MOS: variants seen among roughly 807,000 people sequenced by gnomAD.
MOS encodes the protein proto-oncogene serine/threonine-protein kinase mos.
For missense variants in MOS, 419 were observed against 459.6 expected, an observed-to-expected ratio of 0.91 and a Z score of 0.81; for synonymous variants, 190 against 205.2, an observed-to-expected ratio of 0.93 and a Z score of 0.63.
At position 56,113,815 on chromosome 8, in the gene MOS, G is replaced by C; in HGVS notation, c.168C>G (p.Asp56Glu). ...LPRRLAWCSI[D>E]WEQVCLLQRL... ...TCTGCAGCAAGCACACCTGCTCCCAGTCAATGGAGCACCAGGCCAGCCGGC... is the reference window on the plus strand; with the variant it reads ...TCTGCAGCAAGCACACCTGCTCCCACTCAATGGAGCACCAGGCCAGCCGGC... The change falls in exon 1 of 1, where the codon GAC (aspartate) becomes GAG (glutamate). Residue 56 changes from aspartate to glutamate, a missense_variant. Asp to Glu is a conservative substitution (Grantham distance 45). Transcript: ENST00000311923. This position sits in a 1 kb window ranked among gnomAD's most constrained non-coding sequence, Gnocchi z 5.7. 6.2e-7 allele frequency: 1 copy of C among 1,612,718 alleles called. No homozygotes were observed. Among genetic ancestry groups the C allele is most frequent in the Non-Finnish European group, 8.5e-7 (1 of 1,179,666 alleles).
At position 56,113,240 on chromosome 8, in the gene MOS, G is replaced by A. The variant is rs1465724519; in HGVS notation, c.743C>T (p.Pro248Leu). The change falls in exon 1 of 1, where the codon CCG becomes CTG. Residue 248 changes from proline to leucine, a missense_variant. Physicochemically the swap from Pro to Leu is moderately conservative, Grantham distance 98. Coordinates refer to ENST00000311923, the MANE Select transcript of MOS (RefSeq NM_005372.1). The surrounding 1 kb of genome is among the most constrained non-coding windows in gnomAD (Gnocchi z 5.7). ...PLGGTYTHRA[P>L]ELLKGEGVTP... ...CACGCCCTCTCCTTTCAGGAGCTCC[G>A]GGGCGCGGTGGGTGTATGTGCCTCC... 1.9e-6 allele frequency: 3 copies of A among 1,613,778 alleles called. No individual in the cohort carries two copies. Among genetic ancestry groups the A allele is most frequent in the Non-Finnish European group, 2.5e-6 (3 of 1,180,014 alleles).
Position 56,113,838 on chromosome 8 carries a change from G to T in MOS, c.145C>A (p.Arg49=). 1 of 1,609,872 alleles carries T rather than the reference G, an allele frequency of 6.2e-7. No individual in the cohort carries two copies. The highest frequency in any genetic ancestry group is 8.5e-7 in the Non-Finnish European group (1 of 1,179,092). ...CAGTCAATGGAGCACCAGGCCAGCC[G>T]GCGCGGCAGCCGCGGGGCCCGAGGA... ...TLPRAPRLPR[R]LAWCSIDWEQ... The change falls in exon 1 of 1, where the codon CGG becomes AGG. Residue 49 remains arginine, a synonymous_variant. Coordinates refer to ENST00000311923, the MANE Select transcript of MOS (RefSeq NM_005372.1). This position sits in a 1 kb window ranked among gnomAD's most constrained non-coding sequence, Gnocchi z 5.7.
Position 56,113,117 on chromosome 8 carries a change from G to A in MOS, c.866C>T (p.Ala289Val). ...YSGERQHILYAVVAYDLRPSL... is the reference protein window; with the variant it reads ...YSGERQHILYVVVAYDLRPSL... ...CGGGCGCAGGTCGTAGGCCACCACC[G>A]CGTACAGTATGTGCTGCCGCTCCCC... Residue 289 changes from alanine (A) to valine (V), a missense_variant, in exon 1 of 1, where the codon GCG becomes GTG. By Grantham distance (64) the Ala-to-Val change is moderately conservative. Coordinates refer to ENST00000311923, the MANE Select transcript of MOS (RefSeq NM_005372.1). The surrounding 1 kb of genome is among the most constrained non-coding windows in gnomAD (Gnocchi z 5.7). 6.2e-7 allele frequency: 1 copy of A among 1,613,804 alleles called. No homozygotes were observed. Among genetic ancestry groups the A allele is most frequent in the Non-Finnish European group, 8.5e-7 (1 of 1,179,960 alleles).
At position 56,113,092 on chromosome 8, in the gene MOS, C is replaced by CG. The variant is rs779354720; in HGVS notation, c.890dup (p.Ser298ValfsTer47). 5.0e-6 allele frequency: 8 copies of CG among 1,609,396 alleles called. No individual in the cohort carries two copies. In the Admixed American group the frequency reaches 1.4e-4, roughly 27 times the overall value. On this transcript the variant is annotated frameshift_variant, in exon 1 of 1. Transcript: ENST00000311923. LOFTEE classifies it low-confidence loss of function (END_TRUNC). This position sits in a 1 kb window ranked among gnomAD's most constrained non-coding sequence, Gnocchi z 5.7. ...CCTCGAAGACGGCAGCGGAGAGGGA[C>CG]GGGCGCAGGTCGTAGGCCACCACCG...
In MOS at chr8:56,113,038, G is replaced by A. The variant is rs1810518119; in HGVS notation, c.945C>T (p.Asp315=). The A allele has an allele frequency of 3.1e-6, 5 of 1,592,666 alleles. No homozygotes were observed. In the East Asian group the frequency reaches 1.1e-4, roughly 36 times the overall value. Reference sequence around the variant, plus strand: ...TGGGTCTCCAGCAGCGCTGGATGACGTCCCCAAGGCGCTGCCCGGGGAGCG... The same window carrying A: ...TGGGTCTCCAGCAGCGCTGGATGACATCCCCAAGGCGCTGCCCGGGGAGCG... ...EDSLPGQRLG[D]VIQRCWRPSA... The change falls in exon 1 of 1, where the codon GAC becomes GAT. Residue 315 remains aspartate, a synonymous_variant. Coordinates refer to ENST00000311923, the MANE Select transcript of MOS (RefSeq NM_005372.1). This position sits in a 1 kb window ranked among gnomAD's most constrained non-coding sequence, Gnocchi z 5.7.
Position 56,113,851 on chromosome 8 carries a change from C to A in MOS, c.132G>T (p.Pro44=), listed in dbSNP as rs1251205568. 6.2e-7 allele frequency: 1 copy of A among 1,609,072 alleles called. No homozygotes were observed. The change falls in exon 1 of 1, where the codon CCG becomes CCT. Residue 44 remains proline (P), a synonymous_variant. Transcript: ENST00000311923. This position sits in a 1 kb window ranked among gnomAD's most constrained non-coding sequence, Gnocchi z 5.7. ...LLLGATLPRA[P]RLPRRLAWCS... is the part of the protein sequence containing the mutation. ...ACCAGGCCAGCCGGCGCGGCAGCCG[C>A]GGGGCCCGAGGAAGAGTGGCCCCCA... is the stretch of plus-strand genomic sequence containing the variant.
chr8:56,113,207 T>C lies in MOS; in HGVS notation c.776A>G (p.Lys259Arg). ...GATGGCAAAGGAATAAATGTCGGCT[T>C]TAGGCGTCACGCCCTCTCCTTTCAG... ...ELLKGEGVTP[K>R]ADIYSFAITL... The change falls in exon 1 of 1, where the codon AAA (lysine) becomes AGA (arginine). Residue 259 changes from lysine (K) to arginine (R), a missense_variant. Lys to Arg is a conservative substitution (Grantham distance 26, BLOSUM62 2). Coordinates refer to ENST00000311923, the MANE Select transcript of MOS (RefSeq NM_005372.1). This position sits in a 1 kb window ranked among gnomAD's most constrained non-coding sequence, Gnocchi z 5.7. 1 of 1,613,952 alleles carries C rather than the reference T, an allele frequency of 6.2e-7. No individual in the cohort carries two copies.
At position 56,113,212 on chromosome 8, in the gene MOS, C is replaced by G. The variant is rs35074823; in HGVS notation, c.771G>C (p.Thr257=). The G allele has an allele frequency of 6.2e-7, 1 of 1,613,930 alleles. No individual in the cohort carries two copies. The highest frequency in any genetic ancestry group is 8.5e-7 in the Non-Finnish European group (1 of 1,180,028). The change falls in exon 1 of 1, where the codon ACG becomes ACC. Residue 257 remains threonine (T), a synonymous_variant. Coordinates refer to ENST00000311923, the MANE Select transcript of MOS (RefSeq NM_005372.1). This position sits in a 1 kb window ranked among gnomAD's most constrained non-coding sequence, Gnocchi z 5.7. ...APELLKGEGV[T]PKADIYSFAI... ...CAAAGGAATAAATGTCGGCTTTAGG[C>G]GTCACGCCCTCTCCTTTCAGGAGCT...
rs769499852 is a variant in MOS, at chr8:56,113,153, G to T, written c.830C>A (p.Ala277Glu). 7.4e-6 allele frequency: 12 copies of T among 1,613,956 alleles called. No individual in the cohort carries two copies. In the Admixed American group the frequency reaches 1.7e-4, roughly 22 times the overall value. ...ITLWQMTTKQAPYSGERQHIL... is the reference protein window; with the variant it reads ...ITLWQMTTKQEPYSGERQHIL... ...GTGCTGCCGCTCCCCCGAATACGGC[G>T]CCTGCTTGGTAGTCATTTGCCAGAG... Residue 277 changes from alanine (A) to glutamate (E), a missense_variant, in exon 1 of 1, where the codon GCG becomes GAG. By Grantham distance (107) the Ala-to-Glu change is moderately radical. Coordinates refer to ENST00000311923, the MANE Select transcript of MOS (RefSeq NM_005372.1). The surrounding 1 kb of genome is among the most constrained non-coding windows in gnomAD (Gnocchi z 5.7).
In MOS at chr8:56,113,767, G is replaced by A; in HGVS notation, c.216C>T (p.Gly72=). 1 of 1,613,930 alleles carries A rather than the reference G, an allele frequency of 6.2e-7. No individual in the cohort carries two copies. Among genetic ancestry groups the A allele is most frequent in the Non-Finnish European group, 8.5e-7 (1 of 1,179,962 alleles). ...CGCGGTAAGTCGCCTTGTACACCGA[G>A]CCAAACCCTCCAGCTCCCAGCCTCT... ...LLQRLGAGGF[G]SVYKATYRGV... The change falls in exon 1 of 1, where the codon GGC becomes GGT. Residue 72 remains glycine, a synonymous_variant. Transcript: ENST00000311923. The surrounding 1 kb of genome is among the most constrained non-coding windows in gnomAD (Gnocchi z 5.7).
Position 56,113,011 on chromosome 8 carries a change from G to A in MOS, c.972C>T (p.Ser324=), listed in dbSNP as rs140662288. The stretch of plus-strand genomic sequence containing the variant: ...GCCGCGCGCTCGGCCTCTGCGCCGC[G>A]CTGGGTCTCCAGCAGCGCTGGATGA... ...GDVIQRCWRP[S]AAQRPSARLL... Residue 324 remains serine, a synonymous_variant, in exon 1 of 1, where the codon AGC becomes AGT. Coordinates refer to ENST00000311923, the MANE Select transcript of MOS (RefSeq NM_005372.1). This position sits in a 1 kb window ranked among gnomAD's most constrained non-coding sequence, Gnocchi z 5.7. The A allele has an allele frequency of 2.9e-3, 4,569 of 1,583,210 alleles. 6 individuals carry two copies. The highest frequency in any genetic ancestry group is 3.2e-3 in the Non-Finnish European group (3,767 of 1,165,842).
chr8:56,113,765 G>A lies in MOS; in HGVS notation c.218C>T (p.Ser73Leu), dbSNP rs1173106039. The A allele has an allele frequency of 5.0e-6, 8 of 1,613,756 alleles. No homozygotes were observed. In the East Asian group the frequency reaches 6.7e-5, roughly 13 times the overall value. Reference protein sequence around the residue: ...LQRLGAGGFGSVYKATYRGVP... With the variant: ...LQRLGAGGFGLVYKATYRGVP... The stretch of plus-strand genomic sequence containing the variant: ...ACCGCGGTAAGTCGCCTTGTACACC[G>A]AGCCAAACCCTCCAGCTCCCAGCCT... The change falls in exon 1 of 1, where the codon TCG becomes TTG. Residue 73 changes from serine to leucine, a missense_variant. Transcript: ENST00000311923. The surrounding 1 kb of genome is among the most constrained non-coding windows in gnomAD (Gnocchi z 5.7).
Position 56,113,756 on chromosome 8 carries a change from T to G in MOS, c.227A>C (p.Lys76Thr), listed in dbSNP as rs1258703450. Reference sequence around the variant, plus strand: ...CACAGGAACACCGCGGTAAGTCGCCTTGTACACCGAGCCAAACCCTCCAGC... The same window carrying G: ...CACAGGAACACCGCGGTAAGTCGCCGTGTACACCGAGCCAAACCCTCCAGC... The part of the protein sequence containing the change: ...LGAGGFGSVY[K>T]ATYRGVPVAI... The change falls in exon 1 of 1, where the codon AAG becomes ACG. Residue 76 changes from lysine to threonine, a missense_variant. Physicochemically the swap from Lys to Thr is moderately conservative, Grantham distance 78. Transcript: ENST00000311923. This position sits in a 1 kb window ranked among gnomAD's most constrained non-coding sequence, Gnocchi z 5.7. 1 of 1,613,910 alleles carries G rather than the reference T, an allele frequency of 6.2e-7. No homozygotes were observed. The highest frequency in any genetic ancestry group is 1.7e-5 in the Admixed American group (1 of 59,974).
chr8:56,113,562 A>T lies in MOS; in HGVS notation c.421T>A (p.Phe141Ile). The T allele has an allele frequency of 6.2e-7, 1 of 1,613,330 alleles. No individual in the cohort carries two copies. The change falls in exon 1 of 1, where the codon TTC becomes ATC. Residue 141 changes from phenylalanine (F) to isoleucine (I), a missense_variant. By Grantham distance (21) the Phe-to-Ile change is conservative. Transcript: ENST00000311923. The surrounding 1 kb of genome is among the most constrained non-coding windows in gnomAD (Gnocchi z 5.7). ...TGGTGTAAAGTGACGTTGCCACCGA[A>T]CTCCATGATGATGGTCCCTAGGCTA... ...SNSLGTIIME[F>I]GGNVTLHQVI...
Position 56,113,694 on chromosome 8 carries a change from G to C in MOS, c.289C>G (p.Leu97Val). The C allele has an allele frequency of 6.2e-7, 1 of 1,614,116 alleles. No individual in the cohort carries two copies. The highest frequency in any genetic ancestry group is 8.5e-7 in the Non-Finnish European group (1 of 1,180,022). The stretch of plus-strand genomic sequence containing the variant: ...GCCCAGAAACTCCGCCGAGATGCTA[G>C]TCGGTTCTTGGTGCACTTGTTCACT... ...KQVNKCTKNR[L>V]ASRRSFWAEL... The change falls in exon 1 of 1, where the codon CTA (leucine) becomes GTA (valine). Residue 97 changes from leucine (L) to valine (V), a missense_variant. Leu to Val is a conservative substitution (Grantham distance 32, BLOSUM62 1). Transcript: ENST00000311923. The surrounding 1 kb of genome is among the most constrained non-coding windows in gnomAD (Gnocchi z 5.7).
Position 56,113,074 on chromosome 8 carries a change from G to T in MOS, c.909C>A (p.Val303=), listed in dbSNP as rs762900494. The T allele has an allele frequency of 3.7e-6, 6 of 1,604,174 alleles. No individual in the cohort carries two copies. Among genetic ancestry groups the T allele is most frequent in the Non-Finnish European group, 5.1e-6 (6 of 1,174,272 alleles). The change falls in exon 1 of 1, where the codon GTC becomes GTA. Residue 303 remains valine (V), a synonymous_variant. Transcript: ENST00000311923. This position sits in a 1 kb window ranked among gnomAD's most constrained non-coding sequence, Gnocchi z 5.7. The stretch of plus-strand genomic sequence containing the variant: ...GCTGCCCGGGGAGCGAGTCCTCGAA[G>T]ACGGCAGCGGAGAGGGACGGGCGCA... The part of the protein sequence containing the change: ...YDLRPSLSAA[V]FEDSLPGQRL...
Sources: allele counts gnomAD v4.1 joint callset, GRCh38; gene constraint gnomAD v4.1.1; non-coding constraint Gnocchi (gnomAD v3.1); transcripts MANE v1.5; gene names NCBI Gene and HGNC (gene_info 2026-07-23, HGNC 2026-07-21).